The following DCP1B variants were observed in gnomAD, a reference collection of about 807,000 sequenced individuals.
The protein encoded by DCP1B is decapping mRNA 1B.
DCP1B carries 47 observed loss-of-function variants against 60.5 expected under a neutral mutation model. The ratio of observed to expected loss-of-function variants is 0.78; its 90% CI spans 0.61 to 0.99. The LOEUF (loss-of-function observed/expected upper bound fraction) is 0.99. Among genes scored for constraint, DCP1B ranks in the 50% least tolerant of loss-of-function variants. The pLI is 0.00. For synonymous variants in DCP1B, 267 were observed against 280.3 expected (o/e 0.95, Z 0.47); for missense variants, 725 against 756.8 (o/e 0.96, Z 0.49).
intron 1 of DCP1B, among the ~76,000 whole-genome samples, chr12:1,998,177 CTTTCT>C (rs1433800857): frequency 2.0e-5 from 3 of 152,208 alleles, no homozygotes; most frequent in African/African-American, 7.2e-5. Context: ...AGGAAGCAGT[CTTTCT>C]TTTGTCATTT....
At chr12:1,944,595 A>G (rs914040943), downstream of DCP1B, among the ~76,000 whole-genome samples, 2 of 152,192 alleles carry the variant, frequency 1.3e-5, no homozygotes, top group African/African-American at 4.8e-5. Flanking sequence ...TATACAGACC[A>G]AGGAACAGAA....
chr12:1,990,970 T>C, intron 3 of DCP1B: 1 of 369,888 alleles, frequency 2.7e-6, no homozygotes, highest in Non-Finnish European at 5.1e-6. Flanking sequence ...GCAATCAGTA[T>C]CAGATAGAAA....
At chr12:1,969,545 C>CTTTTT (rs780218221) in intron 3 of DCP1B, among the ~76,000 whole-genome samples, 1 of 130,164 alleles carries the variant, frequency 7.7e-6, no homozygotes, top group Non-Finnish European at 1.6e-5. Context: ...GGTACACTGA[C>CTTTTT]TTTTTTTTTT....
chr12:1,965,592 C>G lies in DCP1B; in HGVS notation c.488G>C (p.Arg163Pro), dbSNP rs755994541. 3 of 1,613,620 alleles carry G rather than the reference C, an allele frequency of 1.9e-6. No homozygotes were observed. Among genetic ancestry groups the G allele is most frequent in the Non-Finnish European group, 2.5e-6 (3 of 1,179,802 alleles). The change falls in exon 5 of 9, where the codon CGA becomes CCA. Residue 163 changes from arginine to proline, a missense_variant. Physicochemically the swap from Arg to Pro is moderately radical, Grantham distance 103 (BLOSUM62 -2). Coordinates refer to ENST00000280665, the MANE Select transcript of DCP1B (RefSeq NM_152640.5). The part of the protein sequence containing the change: ...SGEGKEVDIL[R>P]MLIKAKDEYT... ...TTCGTCTTTGGCCTTGATGAGCATT[C>G]GTAAAATGTCTACTTCTTTGCCCTC...
intron 3 of DCP1B, among the ~76,000 whole-genome samples, chr12:1,968,276 T>C (rs560121251): frequency 3.9e-4 from 58 of 148,514 alleles, no homozygotes; most frequent in African/African-American, 1.3e-3. Context: ...CGCTTGAACC[T>C]GGGAGGTGGA....
At chr12:1,952,331 G>A in intron 7 of DCP1B, 85 bp downstream of exon 7, 1 of 1,408,960 alleles carries the variant, frequency 7.1e-7, no homozygotes, top group Non-Finnish European at 9.4e-7. Flanking sequence ...GTGACACCAA[G>A]CCTGGCTACT....
At chr12:1,979,162 G>A (rs532689637) in intron 3 of DCP1B, among the ~76,000 whole-genome samples, 2 of 152,262 alleles carry the variant, frequency 1.3e-5, no homozygotes, top group African/African-American at 2.4e-5. Flanking sequence ...ACACGTGCCC[G>A]CCATCGAGCC....
intron 4 of DCP1B, 86 bp downstream of exon 4, chr12:1,967,758 G>C: frequency 8.9e-7 from 1 of 1,123,506 alleles, no homozygotes; most frequent in Non-Finnish European, 1.3e-6. Context: ...GATATATTCT[G>C]TTAAGACTGT....
chr12:1,969,545 C>CTT (rs780218221), intron 3 of DCP1B, among the ~76,000 whole-genome samples: 4,069 of 130,090 alleles, frequency 0.031, 195 homozygotes, highest in African/African-American at 0.1. Context: ...GGTACACTGA[C>CTT]TTTTTTTTTT....
At chr12:1,999,585 G>A (rs981462882) in intron 1 of DCP1B, among the ~76,000 whole-genome samples, 3 of 151,994 alleles carry the variant, frequency 2.0e-5, no homozygotes, top group Non-Finnish European at 2.9e-5. Context: ...AATTAGCCAG[G>A]TGTGGTGGCA....
chr12:1,982,031 T>C (rs2036298036), intron 3 of DCP1B, among the ~76,000 whole-genome samples: 1 of 152,012 alleles, frequency 6.6e-6, no homozygotes, highest in South Asian at 2.1e-4. Flanking sequence ...AGGTGAAAAG[T>C]TTTACTTGGA....
rs780485055 is a variant in DCP1B, at chr12:1,993,244, C to T, written c.319+20G>A. On this transcript the variant is annotated intron_variant, in intron 3 of 8. Transcript: ENST00000280665. ...CAAACTTCAGAAGTAAAACAACCCA[C>T]TGTAGTAAGAAAGACTCACATCTGG... The T allele has an allele frequency of 1.1e-5, 18 of 1,614,058 alleles. 1 individual carries two copies. In the South Asian group the frequency reaches 1.8e-4, roughly 16 times the overall value.
At chr12:1,943,427 A>T (rs2030327559), downstream of DCP1B, among the ~76,000 whole-genome samples, 1 of 152,194 alleles carries the variant, frequency 6.6e-6, no homozygotes, top group Non-Finnish European at 1.5e-5. Flanking sequence ...CTCCTCCCTA[A>T]CTCATTTTAT....
At chr12:1,944,240 CT>C (rs942478248), downstream of DCP1B, among the ~76,000 whole-genome samples, 6 of 152,120 alleles carry the variant, frequency 3.9e-5, no homozygotes, top group African/African-American at 9.7e-5. Flanking sequence ...TGTGAAGGAT[CT>C]CTTCAAGGAG....
At chr12:1,987,274 A>T (rs953291809) in intron 3 of DCP1B, among the ~76,000 whole-genome samples, 2 of 152,214 alleles carry the variant, frequency 1.3e-5, no homozygotes, top group Non-Finnish European at 2.9e-5. Flanking sequence ...GCTGTATTTC[A>T]TATGTACATC....
At chr12:1,972,339 C>T (rs1432073014) in intron 3 of DCP1B, among the ~76,000 whole-genome samples, 1 of 152,180 alleles carries the variant, frequency 6.6e-6, no homozygotes, top group Non-Finnish European at 1.5e-5. Context: ...AGACTTCATT[C>T]AAATATAATG....
rs536994830 is a variant in DCP1B at position 2,000,481 on chromosome 12, A to C, written c.151-2506T>G. ...TCTCTTTTCTTAATTAAAAAAAAAAAACCTTTAATGCCACATTTTAGTTTT... is the reference window on the plus strand; with the variant it reads ...TCTCTTTTCTTAATTAAAAAAAAAACACCTTTAATGCCACATTTTAGTTTT... On this transcript the variant is annotated intron_variant, in intron 1 of 8. Transcript: ENST00000280665. Among the ~76,000 whole-genome samples the C allele has an allele frequency of 2.0e-5, 3 of 152,232 alleles. No homozygotes were observed. In the South Asian group the frequency reaches 6.2e-4, roughly 32 times the overall value.
At chr12:1,998,117 A>C (rs758008690) in intron 1 of DCP1B, 142 bp from the exon 2 acceptor site, 5 of 631,740 alleles carry the variant, frequency 7.9e-6, no homozygotes, top group Non-Finnish European at 1.3e-5. Context: ...TCTCAGGAAA[A>C]GGAGAAAGCA....
chr12:1,996,098 T>C (rs2040726149), intron 2 of DCP1B, among the ~76,000 whole-genome samples: 1 of 152,212 alleles, frequency 6.6e-6, no homozygotes, highest in Admixed American at 6.5e-5. Flanking sequence ...TCAATTTCTA[T>C]TATTCTAATC....
Sources: gnomAD v4.1 joint callset for allele counts (sites outside exome capture counted in the v4.1 genomes callset) on GRCh38, gnomAD v4.1.1 for gene constraint, MANE v1.5 for transcripts, NCBI Gene and HGNC (gene_info 2026-07-23, HGNC 2026-07-21) for gene names.